Variants in PDE1C observed in about 807,000 individuals in gnomAD.
PDE1C encodes the protein phosphodiesterase 1C.
A neutral mutation model predicts 93.1 loss-of-function variants in PDE1C; 62 were observed. The ratio of observed to expected loss-of-function variants is 0.67; its 90% confidence interval spans 0.54 to 0.82. The LOEUF (loss-of-function observed/expected upper bound fraction) is 0.82, where lower values mean the gene tolerates loss of function less well. Ranked by LOEUF, PDE1C falls within the 40% of genes least tolerant of loss-of-function variation. PDE1C has a pLI of 0.00. For missense variants in PDE1C, 742 were observed against 884.6 expected (o/e 0.84, Z 2.04); for synonymous variants, 325 against 310.1 (o/e 1.05, Z -0.50).
chr7:31,973,337 A>G (rs1161198025), intron 2 of PDE1C, among the ~76,000 whole-genome samples: 2 of 152,148 alleles, frequency 1.3e-5, no homozygotes, highest in Non-Finnish European at 2.9e-5. Context: ...TAAAAAACAA[A>G]CCTGCAGATT....
At chr7:32,113,255 A>T (rs1224614248) in intron 3 of PDE1C, among the ~76,000 whole-genome samples, 1 of 139,250 alleles carries the variant, frequency 7.2e-6, no homozygotes, top group African/African-American at 2.7e-5. Context: ...ATATATATAT[A>T]TATATATATG....
At chr7:32,118,348 T>C (rs1434527877) in intron 3 of PDE1C, among the ~76,000 whole-genome samples, 1 of 152,180 alleles carries the variant, frequency 6.6e-6, no homozygotes, top group Non-Finnish European at 1.5e-5. Flanking sequence ...ATATAAGTGC[T>C]AAGGTCCTTG....
chr7:31,968,164 A>C (rs1232252032), intron 2 of PDE1C, among the ~76,000 whole-genome samples: 2 of 152,198 alleles, frequency 1.3e-5, no homozygotes, highest in East Asian at 3.9e-4. Context: ...AGAGGAAGTC[A>C]AATTGTCCCT....
At chr7:32,399,581 CTTT>C (rs34748013) in intron 1 of PDE1C, among the ~76,000 whole-genome samples, 1 of 117,562 alleles carries the variant, frequency 8.5e-6, no homozygotes, top group Non-Finnish European at 1.7e-5. Flanking sequence ...CTTCATTTAA[CTTT>C]TTTTTTTTTT....
At chr7:31,974,769 T>C (rs1180733754) in intron 2 of PDE1C, among the ~76,000 whole-genome samples, 1 of 152,180 alleles carries the variant, frequency 6.6e-6, no homozygotes, top group Non-Finnish European at 1.5e-5. Context: ...CAAATGGAAA[T>C]CAGAGAACTC....
At chr7:32,320,616 C>CACACAT (rs1554305691) in intron 1 of PDE1C, among the ~76,000 whole-genome samples, 1 of 129,494 alleles carries the variant, frequency 7.7e-6, no homozygotes, top group South Asian at 2.8e-4. Flanking sequence ...TGCTTAGGCA[C>CACACAT]ACACATACAC....
downstream of PDE1C, among the ~76,000 whole-genome samples, chr7:31,750,269 C>T (rs973527607): frequency 1.2e-4 from 17 of 147,578 alleles, no homozygotes; most frequent in South Asian, 1.4e-3. Flanking sequence ...GGGCAAGAGA[C>T]GGCCACAGTA....
chr7:32,363,303 C>T (rs911715636), intron 1 of PDE1C, among the ~76,000 whole-genome samples: 2 of 152,198 alleles, frequency 1.3e-5, no homozygotes, highest in Non-Finnish European at 2.9e-5. Flanking sequence ...GCCCCATTTT[C>T]CAAATGAGGA....
chr7:31,627,547 T>TGA, the PDE1C span, among the ~76,000 whole-genome samples: 2 of 150,562 alleles, frequency 1.3e-5, no homozygotes, highest in African/African-American at 4.9e-5. Flanking sequence ...AGTCCCAGCT[T>TGA]CTCAGGAGGC....
At chr7:32,006,108 G>A (rs1786221208) in intron 2 of PDE1C, among the ~76,000 whole-genome samples, 1 of 152,020 alleles carries the variant, frequency 6.6e-6, no homozygotes, top group African/African-American at 2.4e-5. Flanking sequence ...TGACTGAAAA[G>A]TCAAACAGGT....
At chr7:31,916,044 T>C (rs191332184) in intron 2 of PDE1C, among the ~76,000 whole-genome samples, 36 of 151,440 alleles carry the variant, frequency 2.4e-4, no homozygotes, top group Non-Finnish European at 4.7e-4. Context: ...CTGCCAGGTA[T>C]GGGGGGGGCA....
intron 2 of PDE1C, among the ~76,000 whole-genome samples, chr7:31,949,831 T>C (rs1807116816): frequency 6.6e-6 from 1 of 152,202 alleles, no homozygotes; most frequent in African/African-American, 2.4e-5. Flanking sequence ...ATGAACTAGA[T>C]ACTTAGGCAG....
At chr7:31,881,732 G>A (rs1797273701) in intron 2 of PDE1C, among the ~76,000 whole-genome samples, 2 of 152,268 alleles carry the variant, frequency 1.3e-5, no homozygotes, top group Admixed American at 6.5e-5. Context: ...CCCTAGGTAA[G>A]TTATGTAACA....
At chr7:32,077,890 G>C in intron 3 of PDE1C, 1 of 985,304 alleles carries the variant, frequency 1.0e-6, no homozygotes, top group Non-Finnish European at 1.2e-6. Flanking sequence ...GAAATGAGGT[G>C]GTGAAGGTCC....
the PDE1C span, among the ~76,000 whole-genome samples, chr7:31,709,552 G>T: frequency 6.6e-6 from 1 of 152,114 alleles, no homozygotes; most frequent in South Asian, 2.1e-4. Context: ...GCATCTGAAA[G>T]ACTTCAAGTA....
chr7:31,661,298 G>T, the PDE1C span, among the ~76,000 whole-genome samples: 1 of 152,072 alleles, frequency 6.6e-6, no homozygotes, highest in East Asian at 1.9e-4. Flanking sequence ...TTATATCTAG[G>T]ATATAATAAA....
chr7:31,789,288 C>T lies in PDE1C; in HGVS notation c.1892-13556G>A, dbSNP rs147057213. ...ACATCTACTATTCTTATTTTTTATT[C>T]GTGCTATTAATCCACTTCTATCTTG... On this transcript the variant is annotated intron_variant, in intron 16 of 17. Coordinates refer to ENST00000396191, the MANE Select transcript of PDE1C (RefSeq NM_001191057.4). 3.3e-5 allele frequency: 5 copies of T among 152,218 alleles called. No homozygotes were observed. In the East Asian group the frequency reaches 7.7e-4, roughly 24 times the overall value. The allele number at this position is 152,218 out of a possible 1,614,324, so 9.4% of individuals were successfully genotyped here.
intron 16 of PDE1C, among the ~76,000 whole-genome samples, chr7:31,777,146 A>G (rs112833415): frequency 1.4e-4 from 21 of 152,176 alleles, no homozygotes; most frequent in African/African-American, 4.8e-4. Flanking sequence ...TATAATAAAA[A>G]AAAAAGAAAG....
In PDE1C at chr7:32,420,224, T is replaced by C. The variant is rs1481036811; in HGVS notation, c.310+7598A>G. Reference sequence around the variant, plus strand: ...ATATACATATATATGTATATATACATATATATGTATATATATGTGTATATA... The same window carrying C: ...ATATACATATATATGTATATATACACATATATGTATATATATGTGTATATA... On this transcript the variant is annotated intron_variant, in intron 1 of 1. Coordinates refer to the PDE1C transcript ENST00000672256. 4.8e-5 allele frequency among the ~76,000 whole-genome samples: 2 copies of C among 41,786 alleles called. 1 individual carries two copies. Among genetic ancestry groups the C allele is most frequent in the Non-Finnish European group, 1.0e-4 (2 of 19,964 alleles). 27.4% of individuals were successfully genotyped at this position (41,786 alleles called of 152,430 possible). A position where few individuals can be genotyped will look rare whatever the true frequency, so the allele number is the denominator to read the frequency against.
Sources: allele counts gnomAD v4.1 joint callset (sites outside exome capture counted in the v4.1 genomes callset), GRCh38; gene constraint gnomAD v4.1.1; transcripts MANE v1.5; gene names NCBI Gene and HGNC (gene_info 2026-07-23, HGNC 2026-07-21).